The following RGS22 variants were observed in gnomAD, a reference collection of about 807,000 sequenced individuals.
RGS22 encodes regulator of G-protein signaling 22.
In RGS22, 148 loss-of-function variants were observed where a neutral mutation model predicts 172.9. The observed-to-expected ratio is 0.86, with a 90% CI of 0.75 to 0.98. RGS22 has a LOEUF of 0.98. RGS22 is among the 50% of genes least tolerant of loss of function. RGS22 has a pLI of 0.00. For synonymous variants in RGS22, 458 were observed against 480.2 expected (o/e 0.95, Z 0.60); for missense variants, 1,347 against 1,440.8 (o/e 0.93, Z 1.05).
Position 100,090,321 on chromosome 8 carries a change from T to C in RGS22, c.117+3126A>G, listed in dbSNP as rs188716483. Among the ~76,000 whole-genome samples, 642 of 152,170 alleles carry C rather than the reference T, an allele frequency of 4.2e-3. 2 individuals carry two copies. The highest frequency in any genetic ancestry group is 0.015 in the African/African-American group (607 of 41,544). On this transcript the variant is annotated intron_variant, in intron 3 of 27. Transcript: ENST00000360863. ...CTCACTCCTAATACCAACAATTACA[T>C]GGTGAGATTTGAGCATGGGAAGAAT... is the stretch of plus-strand genomic sequence containing the variant.
chr8:100,104,329 CGTGTGTGTGTGTGTGT>C (rs34385626), intron 2 of RGS22, among the ~76,000 whole-genome samples: 2 of 140,356 alleles, frequency 1.4e-5, no homozygotes, highest in Admixed American at 7.0e-5. Flanking sequence ...AAAATATGTG[CGTGTGTGTGTGTGTGT>C]GTGTGTGTGT....
At chr8:100,052,045 G>T (rs866748186) in intron 10 of RGS22, among the ~76,000 whole-genome samples, 8 of 77,846 alleles carry the variant, frequency 1.0e-4, no homozygotes, top group Non-Finnish European at 1.6e-4. Context: ...ATATATAAAT[G>T]TTTATATATA....
At chr8:100,052,763 C>T in intron 10 of RGS22, 39 bp downstream of exon 10, 1 of 1,569,306 alleles carries the variant, frequency 6.4e-7, no homozygotes, top group Non-Finnish European at 8.7e-7. Context: ...TATTTTACTA[C>T]AAACTTAGTA....
rs887950754 is a variant in RGS22 at position 100,039,885 on chromosome 8, A to G, written c.2064+77T>C. On this transcript the variant is annotated intron_variant, in intron 13 of 27. Transcript: ENST00000360863. The stretch of plus-strand genomic sequence containing the variant: ...TTTTAACATCAAATATAATTATGTG[A>G]GCACTTAATTATTTTGATGTCTCAT... The G allele has an allele frequency of 1.5e-5, 12 of 798,820 alleles. No homozygotes were observed. In the African/African-American group the frequency reaches 2.0e-4, roughly 13 times the overall value. 49.5% of individuals were successfully genotyped at this position (798,820 alleles called of 1,614,324 possible).
chr8:100,105,401 C>T lies in RGS22; in HGVS notation c.27G>A (p.Glu9=), dbSNP rs1246438302. The change falls in exon 2 of 28, where the codon GAG becomes GAA. Residue 9 remains glutamate (E), a splice_region_variant and synonymous_variant. Transcript: ENST00000360863. MPEKRLTA[E]PPTITEEEFE... is the part of the protein sequence containing the mutation. ...ATTCTTCTTCTGTAATAGTTGGTGGCTCTGAAACAAGACAAAATATTACAT... is the reference window on the plus strand; with the variant it reads ...ATTCTTCTTCTGTAATAGTTGGTGGTTCTGAAACAAGACAAAATATTACAT... 1 of 1,608,876 alleles carries T rather than the reference C, an allele frequency of 6.2e-7. No homozygotes were observed.
intron 4 of RGS22, among the ~76,000 whole-genome samples, chr8:100,077,113 T>G (rs1477080173): frequency 2.0e-5 from 3 of 152,224 alleles, no homozygotes; most frequent in Non-Finnish European, 4.4e-5. Context: ...ACATCCCCTT[T>G]TCATTTCTGA....
chr8:100,075,611 G>T (rs1413336613), intron 4 of RGS22, among the ~76,000 whole-genome samples: 1 of 152,178 alleles, frequency 6.6e-6, no homozygotes, highest in Non-Finnish European at 1.5e-5. Context: ...TTTCCAAAAT[G>T]GAATTCTCAC....
chr8:100,043,080 T>C (rs981876645), intron 11 of RGS22, among the ~76,000 whole-genome samples: 4 of 152,228 alleles, frequency 2.6e-5, no homozygotes, highest in Admixed American at 1.3e-4. Flanking sequence ...CTTTCTGATC[T>C]ATTGTACCAA....
At chr8:100,075,199 G>T (rs2131867066) in intron 4 of RGS22, among the ~76,000 whole-genome samples, 1 of 152,298 alleles carries the variant, frequency 6.6e-6, no homozygotes, top group Non-Finnish European at 1.5e-5. Flanking sequence ...GATCCCCAAT[G>T]CTGGAGGTAG....
At chr8:100,043,988 A>C (rs1404913221) in intron 11 of RGS22, among the ~76,000 whole-genome samples, 1 of 152,218 alleles carries the variant, frequency 6.6e-6, no homozygotes, top group East Asian at 1.9e-4. Context: ...TGATGAAATG[A>C]ACAAATTCCT....
intron 14 of RGS22, among the ~76,000 whole-genome samples, chr8:100,009,917 T>A (rs1816188881): frequency 6.6e-6 from 1 of 152,136 alleles, no homozygotes; most frequent in Admixed American, 6.5e-5. Flanking sequence ...AAGAAGCCAA[T>A]TTGGTGGTGA....
rs1252417109 is a variant in RGS22 at position 100,063,794 on chromosome 8, C to T, written c.974G>A (p.Arg325Lys). 6.2e-7 allele frequency: 1 copy of T among 1,614,026 alleles called. No homozygotes were observed. The highest frequency in any genetic ancestry group is 8.5e-7 in the Non-Finnish European group (1 of 1,179,992). Residue 325 changes from arginine to lysine, a missense_variant, in exon 8 of 28, where the codon AGA becomes AAA. Physicochemically the swap from Arg to Lys is conservative, Grantham distance 26 (BLOSUM62 2). Coordinates refer to ENST00000360863, the MANE Select transcript of RGS22 (RefSeq NM_015668.5). ...FLSSYIYFILRGAIQQIVGKP... is the reference protein window; with the variant it reads ...FLSSYIYFILKGAIQQIVGKP... ...TCCAACAATTTGCTGAATTGCTCCT[C>T]TCAAAATAAAGTATATATAGGAGCT...
chr8:100,072,303 G>A, intron 4 of RGS22, 73 bp from the exon 5 acceptor site: 5 of 873,056 alleles, frequency 5.7e-6, no homozygotes, highest in South Asian at 1.7e-5. Flanking sequence ...ACCTAATAGT[G>A]AGAGCAATAA....
intron 2 of RGS22, among the ~76,000 whole-genome samples, chr8:100,096,538 G>C (rs555519310): frequency 7.9e-5 from 12 of 151,436 alleles, no homozygotes; most frequent in African/African-American, 2.2e-4. Context: ...ATGTGTGCTT[G>C]CTAATTATGG....
At chr8:100,083,272 G>A (rs963901321) in intron 3 of RGS22, among the ~76,000 whole-genome samples, 16 of 152,254 alleles carry the variant, frequency 1.1e-4, no homozygotes, top group African/African-American at 2.6e-4. Flanking sequence ...ATCACATCGC[G>A]ACCAGGTTTT....
chr8:99,987,096 G>A (rs1305162796), intron 21 of RGS22, among the ~76,000 whole-genome samples: 4 of 152,050 alleles, frequency 2.6e-5, no homozygotes, highest in African/African-American at 9.7e-5. Flanking sequence ...TATACCTACT[G>A]GTTGAGCATT....
intron 20 of RGS22, among the ~76,000 whole-genome samples, chr8:99,991,759 T>C (rs1588921971): frequency 6.6e-6 from 1 of 152,094 alleles, no homozygotes; most frequent in East Asian, 1.9e-4. Flanking sequence ...ATTCAGGAAA[T>C]ACAGAATACA....
intron 3 of RGS22, among the ~76,000 whole-genome samples, chr8:100,085,922 G>A (rs1330351075): frequency 6.6e-6 from 1 of 152,148 alleles, no homozygotes; most frequent in Non-Finnish European, 1.5e-5. Flanking sequence ...TTGAACTCCA[G>A]TTTAACACAG....
In RGS22 at chr8:100,077,633, C is replaced by T. The variant is rs139484120; in HGVS notation, c.339+2501G>A. The stretch of plus-strand genomic sequence containing the variant: ...AGTTTGCTGAAATTTATTTTATGGC[C>T]CAAAATGTGGTCTATTTTGGTAAAT... On this transcript the variant is annotated intron_variant, in intron 4 of 27. Transcript: ENST00000360863. Among the ~76,000 whole-genome samples the T allele has an allele frequency of 3.4e-3, 517 of 152,060 alleles. 2 individuals are homozygous for T. Among genetic ancestry groups the T allele is most frequent in the African/African-American group, 0.011 (476 of 41,466 alleles).
Sources: allele counts gnomAD v4.1 joint callset (sites outside exome capture counted in the v4.1 genomes callset), GRCh38; gene constraint gnomAD v4.1.1; transcripts MANE v1.5; gene names NCBI Gene and HGNC (gene_info 2026-07-23, HGNC 2026-07-21).